The following ATXN2 variants were observed in gnomAD, a reference collection of about 807,000 sequenced individuals.
ATXN2 encodes ataxin-2.
A neutral mutation model predicts 138.6 loss-of-function variants in ATXN2; 37 were observed. The observed-to-expected ratio is 0.27, with a 90% CI of 0.21 to 0.35. The LOEUF is 0.35. Ranked by LOEUF, ATXN2 falls within the 10% of genes least tolerant of loss-of-function variation. The pLI is 1.00. For synonymous variants in ATXN2, 549 were observed against 543.7 expected, an observed-to-expected ratio of 1.01 and a Z score of -0.13; for missense variants, 1,216 against 1,480.3, an observed-to-expected ratio of 0.82 and a Z score of 2.93.
At chr12:111,593,611 AAAAAAAAAAAAAG>A (rs964083263) in intron 1 of ATXN2, among the ~76,000 whole-genome samples, 17 of 117,958 alleles carry the variant, frequency 1.4e-4, no homozygotes, top group African/African-American at 1.0e-3. Context: ...TTTTTCTCTT[AAAAAAAAAAAAAG>A]AAAAAGAAAA....
At chr12:111,525,697 T>G (rs1005113435) in intron 5 of ATXN2, among the ~76,000 whole-genome samples, 26 of 152,108 alleles carry the variant, frequency 1.7e-4, no homozygotes, top group African/African-American at 6.3e-4. Context: ...TTTTTTTTTT[T>G]TTTTTGAGAT....
intron 1 of ATXN2, among the ~76,000 whole-genome samples, chr12:111,569,346 A>G (rs1430534554): frequency 6.6e-6 from 1 of 152,216 alleles, no homozygotes; most frequent in Non-Finnish European, 1.5e-5. Context: ...GCATAGCTTA[A>G]AACAGTGCCT....
At chr12:111,588,492 C>A (rs1251273062) in intron 1 of ATXN2, among the ~76,000 whole-genome samples, 2 of 151,856 alleles carry the variant, frequency 1.3e-5, no homozygotes, top group African/African-American at 4.8e-5. Context: ...CGAGATGGTG[C>A]GTGCCTGCAG....
chr12:111,492,264 G>A (rs1878082357), intron 14 of ATXN2, among the ~76,000 whole-genome samples: 1 of 152,214 alleles, frequency 6.6e-6, no homozygotes, highest in Non-Finnish European at 1.5e-5. Flanking sequence ...AGACTACCAA[G>A]GTGATACCTC....
intron 21 of ATXN2, among the ~76,000 whole-genome samples, chr12:111,461,859 T>G (rs779674548): frequency 6.6e-6 from 1 of 150,430 alleles, no homozygotes; most frequent in East Asian, 1.9e-4. Context: ...GAGGCGGAGG[T>G]TGCAGTGAGC....
chr12:111,535,386 A>G (rs1182437689), intron 5 of ATXN2, among the ~76,000 whole-genome samples: 2 of 152,090 alleles, frequency 1.3e-5, no homozygotes, highest in Non-Finnish European at 2.9e-5. Context: ...GCAATTTGGG[A>G]GCCCAAGGCA....
chr12:111,479,173 C>A, intron 18 of ATXN2: 1 of 380,490 alleles, frequency 2.6e-6, no homozygotes, highest in Non-Finnish European at 4.7e-6. Context: ...TAGCCAAAAG[C>A]TGGCAATAAC....
chr12:111,542,744 G>A (rs1464560555), intron 5 of ATXN2, among the ~76,000 whole-genome samples: 1 of 152,190 alleles, frequency 6.6e-6, no homozygotes, highest in African/African-American at 2.4e-5. Flanking sequence ...TTACAGGCAT[G>A]AGCCACTGCA....
chr12:111,464,083 T>C (rs11065912), intron 21 of ATXN2, among the ~76,000 whole-genome samples: 15,568 of 152,144 alleles, frequency 0.1, 2,667 homozygotes, highest in African/African-American at 0.35. Context: ...CCACCGTGCC[T>C]GGCCCTTCCT....
intron 14 of ATXN2, among the ~76,000 whole-genome samples, chr12:111,505,997 T>G (rs1033858648): frequency 6.6e-6 from 1 of 152,198 alleles, no homozygotes; most frequent in African/African-American, 2.4e-5. Context: ...CATCAAGGAA[T>G]ATTAGTCAGT....
rs367765144 is a variant in ATXN2, at chr12:111,506,312, T to C, written c.1935+3237A>G. 1.2e-4 allele frequency among the ~76,000 whole-genome samples: 18 copies of C among 152,280 alleles called. No individual in the cohort carries two copies. The East Asian group carries it at 1.3e-3, about 11-fold the overall frequency. On this transcript the variant is annotated intron_variant, in intron 14 of 24. Transcript: ENST00000673436. ...CAACTGAGAAGACGGTTGTACAACA[T>C]TGTGAATATTTTAAAAACCACTGAT...
intron 5 of ATXN2, among the ~76,000 whole-genome samples, chr12:111,550,520 T>C (rs1457529856): frequency 6.6e-6 from 1 of 152,168 alleles, no homozygotes; most frequent in African/African-American, 2.4e-5. Flanking sequence ...TCAACTAAAA[T>C]TTTATCTTCC....
Position 111,456,223 on chromosome 12 carries a change from G to C in ATXN2, c.3076C>G (p.Leu1026Val). ...GCTGACTGCTGCTGTGGACTGGCCA[G>C]ATGGAGAGCCTGGGCGGCCTGGTGC... The part of the protein sequence containing the change: ...HQHQAAQALH[L>V]ASPQQQSAIY... The change falls in exon 23 of 25, where the codon CTG (leucine) becomes GTG (valine). Residue 1026 changes from leucine to valine, a missense_variant. Transcript: ENST00000673436. 1 of 1,614,278 alleles carries C rather than the reference G, an allele frequency of 6.2e-7. No individual in the cohort carries two copies. Among genetic ancestry groups the C allele is most frequent in the South Asian group, 1.1e-5 (1 of 91,092 alleles).
In ATXN2 at chr12:111,485,790, G is replaced by C; in HGVS notation, c.2380C>G (p.Pro794Ala). 1.2e-6 allele frequency: 2 copies of C among 1,614,140 alleles called. No homozygotes were observed. Among genetic ancestry groups the C allele is most frequent in the Non-Finnish European group, 1.7e-6 (2 of 1,180,004 alleles). Residue 794 changes from proline to alanine, a missense_variant, in exon 17 of 25, where the codon CCA (proline) becomes GCA (alanine). Physicochemically the swap from Pro to Ala is conservative, Grantham distance 27. Around this residue, in one of 4 missense-constraint regions of ATXN2, gnomAD observed 490 missense variants for 653.5 expected, o/e 0.75. Transcript: ENST00000673436. Reference sequence around the variant, plus strand: ...ACAGGCTGAGTATAAACTGGAGTTGGCTGTTGATGACCCACCATAGATGGG... The same window carrying C: ...ACAGGCTGAGTATAAACTGGAGTTGCCTGTTGATGACCCACCATAGATGGG... ...PSPSMVGHQQPTPVYTQPVCF... is the reference protein window; with the variant it reads ...PSPSMVGHQQATPVYTQPVCF...
intron 21 of ATXN2, among the ~76,000 whole-genome samples, chr12:111,464,413 G>A (rs924320490): frequency 1.3e-5 from 2 of 150,970 alleles, no homozygotes; most frequent in Admixed American, 6.6e-5. Context: ...AAAATATTAG[G>A]CATTTCCCAG....
chr12:111,581,568 A>G, intron 1 of ATXN2: 1 of 890,594 alleles, frequency 1.1e-6, no homozygotes, highest in Non-Finnish European at 1.9e-6. Flanking sequence ...TCCCTGTTCA[A>G]CACCCACTTC....
chr12:111,464,343 G>GTT (rs1329650038), intron 21 of ATXN2, among the ~76,000 whole-genome samples: 1 of 128,222 alleles, frequency 7.8e-6, no homozygotes, highest in Non-Finnish European at 1.5e-5. Context: ...GTTTGTGTGT[G>GTT]TGTGTGTGTG....
In ATXN2 at chr12:111,599,187, G is replaced by T; in HGVS notation, c.-153C>A. On this transcript the variant is annotated 5_prime_UTR_variant, in exon 1 of 25. Coordinates refer to ENST00000673436, the MANE Select transcript of ATXN2 (RefSeq NM_001372574.1). Reference sequence around the variant, plus strand: ...GGAGGGGCGCCCGGGCTGGCGAGGGGGAGAAGGAGGACGACGAAGGGGCGG... The same window carrying T: ...GGAGGGGCGCCCGGGCTGGCGAGGGTGAGAAGGAGGACGACGAAGGGGCGG... The T allele has an allele frequency of 8.3e-7, 1 of 1,204,032 alleles. No homozygotes were observed. Among genetic ancestry groups the T allele is most frequent in the Non-Finnish European group, 1.0e-6 (1 of 970,682 alleles). 74.6% of individuals were successfully genotyped at this position (1,204,032 alleles called of 1,614,324 possible).
chr12:111,499,268 G>A (rs533693929), intron 14 of ATXN2, among the ~76,000 whole-genome samples: 1 of 152,294 alleles, frequency 6.6e-6, no homozygotes, highest in Non-Finnish European at 1.5e-5. Flanking sequence ...ACAGCCCACA[G>A]AATGGGAGAA....
Sources: gnomAD v4.1 joint callset for allele counts (sites outside exome capture counted in the v4.1 genomes callset) on GRCh38, gnomAD v4.1.1 for gene constraint, gnomAD v4.1.1 regional missense constraint, MANE v1.5 for transcripts, NCBI Gene and HGNC (gene_info 2026-07-23, HGNC 2026-07-21) for gene names.